The following MEGF10 variants were observed in gnomAD, a reference collection of about 807,000 sequenced individuals.
The protein encoded by MEGF10 is multiple EGF like domains 10.
In MEGF10, 86 loss-of-function variants were observed where a neutral mutation model predicts 147.5. The ratio of observed to expected loss-of-function variants is 0.58; its 90% CI spans 0.49 to 0.70. MEGF10 has a LOEUF of 0.70. Ranked by LOEUF, MEGF10 falls within the 30% of genes least tolerant of loss-of-function variation. The pLI, the probability that MEGF10 is intolerant of heterozygous loss-of-function variation, is 0.00. For missense variants in MEGF10, 1,329 were observed against 1,487.3 expected (o/e 0.89, Z 1.75); for synonymous variants, 478 against 525.5 (o/e 0.91, Z 1.24).
intron 6 of MEGF10, 83 bp from the exon 7 acceptor site, chr5:127,398,592 AT>A: frequency 2.0e-6 from 3 of 1,523,638 alleles, no homozygotes; most frequent in Non-Finnish European, 2.7e-6. Flanking sequence ...AAGCTTGTCT[AT>A]TTTGGGGACC....
At chr5:127,329,734 G>A (rs78707134) in intron 1 of MEGF10, among the ~76,000 whole-genome samples, 2,736 of 151,858 alleles carry the variant, frequency 0.018, 69 homozygotes, top group East Asian at 0.11. Flanking sequence ...TTACCAACAG[G>A]CAGGTTGGCA....
intron 1 of MEGF10, among the ~76,000 whole-genome samples, chr5:127,322,747 T>G (rs529543713): frequency 6.6e-6 from 1 of 152,192 alleles, no homozygotes; most frequent in Non-Finnish European, 1.5e-5. Context: ...AAATTTGAAT[T>G]AGGTCTATGG....
At chr5:127,415,124 C>T (rs1764709337) in intron 9 of MEGF10, among the ~76,000 whole-genome samples, 1 of 151,880 alleles carries the variant, frequency 6.6e-6, no homozygotes, top group Non-Finnish European at 1.5e-5. Context: ...TGTGGTCAAG[C>T]ATAGCAATAA....
chr5:127,250,793 GA>G, the MEGF10 span, among the ~76,000 whole-genome samples: 1 of 151,790 alleles, frequency 6.6e-6, no homozygotes, highest in East Asian at 1.9e-4. Flanking sequence ...AAAATTATTA[GA>G]ATCAGTAAAA....
chr5:127,449,033 C>G, intron 21 of MEGF10, 66 bp from the exon 22 acceptor site: 3 of 1,588,860 alleles, frequency 1.9e-6, no homozygotes, highest in Non-Finnish European at 2.6e-6. Context: ...TTCCCCAGGT[C>G]CATAACGCTG....
At position 127,440,808 on chromosome 5, in the gene MEGF10, A is replaced by G; in HGVS notation, c.2303A>G (p.Asp768Gly). The change falls in exon 18 of 25, where the codon GAC (aspartate) becomes GGC (glycine). Residue 768 changes from aspartate to glycine, a missense_variant. Coordinates refer to ENST00000503335, the MANE Select transcript of MEGF10 (RefSeq NM_001256545.2). ...ICQCQNGADCDHISGQCTCRT... is the reference protein window; with the variant it reads ...ICQCQNGADCGHISGQCTCRT... Reference sequence around the variant, plus strand: ...CAATGTCAAAACGGAGCTGACTGCGACCACATTTCTGGGCAGTGTACTTGC... The same window carrying G: ...CAATGTCAAAACGGAGCTGACTGCGGCCACATTTCTGGGCAGTGTACTTGC... The G allele has an allele frequency of 6.2e-7, 1 of 1,614,160 alleles. No individual in the cohort carries two copies. The highest frequency in any genetic ancestry group is 1.1e-5 in the South Asian group (1 of 91,082).
chr5:127,236,573 C>G, the MEGF10 span, among the ~76,000 whole-genome samples: 2 of 152,180 alleles, frequency 1.3e-5, no homozygotes, highest in Non-Finnish European at 2.9e-5. Context: ...ATGCCCTGTG[C>G]TCCAGCTGGA....
At chr5:127,373,165 G>GTTTTA in intron 5 of MEGF10, among the ~76,000 whole-genome samples, 1 of 151,360 alleles carries the variant, frequency 6.6e-6, no homozygotes, top group Non-Finnish European at 1.5e-5. Context: ...TTTTTGTTTT[G>GTTTTA]TTTTTAGACT....
intron 1 of MEGF10, among the ~76,000 whole-genome samples, chr5:127,305,007 G>C (rs1326601746): frequency 6.6e-6 from 1 of 152,246 alleles, no homozygotes; most frequent in Admixed American, 6.5e-5. Context: ...CATTAAAAGA[G>C]TATTTGTGGA....
Position 127,320,462 on chromosome 5 carries a change from T to C in MEGF10, c.-18-10829T>C, listed in dbSNP as rs186550357. Among the ~76,000 whole-genome samples the C allele has an allele frequency of 8.9e-3, 1,358 of 152,038 alleles. 22 individuals are homozygous for C. The highest frequency in any genetic ancestry group is 0.03 in the African/African-American group (1,262 of 41,562). On this transcript the variant is annotated intron_variant, in intron 1 of 24. Transcript: ENST00000503335. ...GGTCATTTCTTGAGTGAAAGATCAG[T>C]CTAGATACCACAGGAAGTGGTGTTG...
intron 4 of MEGF10, among the ~76,000 whole-genome samples, chr5:127,362,014 C>T (rs1762485410): frequency 1.3e-5 from 2 of 152,072 alleles, no homozygotes; most frequent in African/African-American, 4.8e-5. Flanking sequence ...GTGGAGCGTA[C>T]TATAAATATT....
intron 5 of MEGF10, among the ~76,000 whole-genome samples, chr5:127,390,486 T>C (rs1336735881): frequency 6.6e-6 from 1 of 152,094 alleles, no homozygotes. Flanking sequence ...AGATAGGGGC[T>C]TGCTGTGTTT....
In MEGF10 at chr5:127,332,273, A is replaced by C. The variant is rs1761291043; in HGVS notation, c.116+849A>C. ...ACTTGAATTTCCCAGAAATTATCTT[A>C]TCCAAAAACTGTAAATGCAAGTGTT... On this transcript the variant is annotated intron_variant, in intron 2 of 24. Coordinates refer to ENST00000503335, the MANE Select transcript of MEGF10 (RefSeq NM_001256545.2). Among the ~76,000 whole-genome samples the C allele has an allele frequency of 2.6e-5, 4 of 150,952 alleles. 1 individual carries two copies. In the South Asian group the frequency reaches 8.7e-4, roughly 33 times the overall value.
intron 9 of MEGF10, among the ~76,000 whole-genome samples, chr5:127,411,516 C>T (rs1430643469): frequency 1.3e-5 from 2 of 152,138 alleles, no homozygotes; most frequent in African/African-American, 4.8e-5. Flanking sequence ...CTTCTTTAAA[C>T]CATTGTTAGT....
intron 22 of MEGF10, among the ~76,000 whole-genome samples, chr5:127,450,064 T>C (rs1038141239): frequency 4.6e-5 from 7 of 152,252 alleles, no homozygotes; most frequent in African/African-American, 1.7e-4. Context: ...AAAATCTCTT[T>C]AATGTCCAGC....
intron 13 of MEGF10, chr5:127,424,450 C>T (rs2126983252): frequency 3.4e-6 from 4 of 1,176,052 alleles, no homozygotes; most frequent in East Asian, 2.6e-5. Flanking sequence ...ATCTATAGAT[C>T]AATTTGGGGA....
intron 5 of MEGF10, among the ~76,000 whole-genome samples, chr5:127,371,334 T>G (rs1232365640): frequency 1.3e-5 from 2 of 151,286 alleles, no homozygotes; most frequent in African/African-American, 4.9e-5. Flanking sequence ...AGGAGGAGAG[T>G]GGGCATTTTG....
chr5:127,355,407 C>G (rs1025364495), intron 4 of MEGF10, among the ~76,000 whole-genome samples: 1 of 152,084 alleles, frequency 6.6e-6, no homozygotes, highest in African/African-American at 2.4e-5. Flanking sequence ...TCAAAGAGAG[C>G]CTGACTGACA....
At position 127,457,217 on chromosome 5, in the gene MEGF10, C is replaced by T; in HGVS notation, c.3322C>T (p.Pro1108Ser). Residue 1108 changes from proline (P) to serine (S), a missense_variant, in exon 25 of 25, where the codon CCT (proline) becomes TCT (serine). Around this residue, in one of 3 missense-constraint regions of MEGF10, gnomAD observed 343 missense variants for 377.9 expected, o/e 0.91. Coordinates refer to ENST00000503335, the MANE Select transcript of MEGF10 (RefSeq NM_001256545.2). Reference sequence around the variant, plus strand: ...TGACCTCCCAAAGAACAGTCACATCCCTTGTCATTATGACCTGCTGCCAGT... The same window carrying T: ...TGACCTCCCAAAGAACAGTCACATCTCTTGTCATTATGACCTGCTGCCAGT... ...PYDLPKNSHI[P>S]CHYDLLPVRD... is the part of the protein sequence containing the mutation. 1 of 1,614,142 alleles carries T rather than the reference C, an allele frequency of 6.2e-7. No individual in the cohort carries two copies. The highest frequency in any genetic ancestry group is 1.1e-5 in the South Asian group (1 of 91,084).
Sources: allele counts gnomAD v4.1 joint callset (sites outside exome capture counted in the v4.1 genomes callset), GRCh38; gene constraint gnomAD v4.1.1; regional missense constraint gnomAD v4.1.1; transcripts MANE v1.5; gene names NCBI Gene and HGNC (gene_info 2026-07-23, HGNC 2026-07-21).